The following FAM174B variants were observed in gnomAD, a reference collection of about 807,000 sequenced individuals.
FAM174B encodes the protein family with sequence similarity 174 member B, also known as membrane protein FAM174B.
In FAM174B, 12 loss-of-function variants were observed where a neutral mutation model predicts 10.9. The ratio of observed to expected loss-of-function variants is 1.10; its 90% CI spans 0.71 to 1.79. The LOEUF (loss-of-function observed/expected upper bound fraction) is 1.79. FAM174B is among the 40% of genes most tolerant of loss of function. The pLI, the probability that FAM174B is intolerant of heterozygous loss-of-function variation, is 0.00. For missense variants in FAM174B, 266 were observed against 233.3 expected, an observed-to-expected ratio of 1.14 and a Z score of -0.91; for synonymous variants, 132 against 115.8, an observed-to-expected ratio of 1.14 and a Z score of -0.90.
chr15:92,629,039 T>C (rs547207424), intron 2 of FAM174B, among the ~76,000 whole-genome samples: 2 of 152,168 alleles, frequency 1.3e-5, no homozygotes, highest in Non-Finnish European at 2.9e-5. Flanking sequence ...ATCCCAAACA[T>C]TGTCTTGTTG....
Position 92,630,361 on chromosome 15 carries a change from C to G in FAM174B, c.345-16G>C, listed in dbSNP as rs1309492526. 3.1e-6 allele frequency: 5 copies of G among 1,601,690 alleles called. No individual in the cohort carries two copies. The highest frequency in any genetic ancestry group is 4.3e-6 in the Non-Finnish European group (5 of 1,173,450). ...CTTTCCCGACCTGCAGGAGAAGAAG[C>G]ACATTCATGAGAACACAGCTGGGAG... is the stretch of plus-strand genomic sequence containing the variant. On this transcript the variant is annotated splice_polypyrimidine_tract_variant and intron_variant, in intron 1 of 2. Transcript: ENST00000327355.
At chr15:92,628,040 T>C (rs2050765276) in intron 2 of FAM174B, among the ~76,000 whole-genome samples, 1 of 152,212 alleles carries the variant, frequency 6.6e-6, no homozygotes, top group Admixed American at 6.5e-5. Context: ...GTGTATCCTA[T>C]GCACATTCTC....
intron 2 of FAM174B, among the ~76,000 whole-genome samples, chr15:92,622,315 G>A (rs147930679): frequency 5.1e-4 from 78 of 152,332 alleles, no homozygotes; most frequent in African/African-American, 1.8e-3. Flanking sequence ...CCTCCACGGG[G>A]AGAAGTCCAC....
intron 1 of FAM174B, among the ~76,000 whole-genome samples, chr15:92,631,415 TATATAATATATAATATAATATA>T (rs2050814719): frequency 2.5e-5 from 1 of 40,774 alleles, no homozygotes; most frequent in Non-Finnish European, 4.1e-5. Context: ...TTATATATAA[TATATAATATATAATATAATATA>T]TTATATATAT....
chr15:92,640,551 CAAAAAAAAAAAA>C (rs60865026), intron 1 of FAM174B, among the ~76,000 whole-genome samples: 17 of 67,670 alleles, frequency 2.5e-4, no homozygotes, highest in African/African-American at 3.4e-4. Context: ...GACTCCATCT[CAAAAAAAAAAAA>C]AAAAAAAAAA....
intron 1 of FAM174B, among the ~76,000 whole-genome samples, chr15:92,646,011 C>T (rs905129419): frequency 1.3e-5 from 2 of 151,406 alleles, no homozygotes; most frequent in Admixed American, 1.3e-4. Flanking sequence ...GCCTGGTCAC[C>T]CCCTTCACAA....
At position 92,640,551 on chromosome 15, in the gene FAM174B, C is replaced by CA. The variant is rs60865026; in HGVS notation, c.345-10207dup. Among the ~76,000 whole-genome samples, 25 of 67,722 alleles carry CA rather than the reference C, an allele frequency of 3.7e-4. 1 individual carries two copies. The highest frequency in any genetic ancestry group is 1.2e-3 in the African/African-American group (21 of 17,662). 44.4% of individuals were successfully genotyped at this position (67,722 alleles called of 152,430 possible). On this transcript the variant is annotated intron_variant, in intron 1 of 2. Transcript: ENST00000327355. The stretch of plus-strand genomic sequence containing the variant: ...TGGATGACAAAGTGAGACTCCATCT[C>CA]AAAAAAAAAAAAAAAAAAAAAAAAA...
At chr15:92,630,453 G>A in intron 1 of FAM174B, 108 bp from the exon 2 acceptor site, 1 of 1,056,178 alleles carries the variant, frequency 9.5e-7, no homozygotes, top group East Asian at 2.6e-5. Context: ...TGTTTAGTCA[G>A]GTTTCCTTCC....
chr15:92,645,633 G>A (rs2050921323), intron 1 of FAM174B: 1 of 152,290 alleles, frequency 6.6e-6, no homozygotes, highest in African/African-American at 2.4e-5. Context: ...TATATAAGGG[G>A]CCAGGGAAGG....
chr15:92,639,147 T>G (rs540685431), intron 1 of FAM174B: 4 of 152,312 alleles, frequency 2.6e-5, no homozygotes, highest in African/African-American at 9.6e-5. Context: ...AACAAGAGGG[T>G]AGGAACTCAC....
intron 1 of FAM174B, among the ~76,000 whole-genome samples, chr15:92,642,974 G>A (rs1367758447): frequency 6.6e-6 from 1 of 152,096 alleles, no homozygotes. Context: ...ACCAGAAAAG[G>A]GAAATCTATA....
rs1193099288 is a variant in FAM174B at position 92,619,122 on chromosome 15, G to A, written c.*334C>T. 2 of 675,384 alleles carry A rather than the reference G, an allele frequency of 3.0e-6. No individual in the cohort carries two copies. Among genetic ancestry groups the A allele is most frequent in the Non-Finnish European group, 5.4e-6 (2 of 371,376 alleles). 41.8% of individuals were successfully genotyped at this position (675,384 alleles called of 1,614,324 possible). On this transcript the variant is annotated 3_prime_UTR_variant, in exon 3 of 3. Transcript: ENST00000327355. ...ATCTCTTTTACTATTGTCAACAATT[G>A]TCTTAAAAAAACTTCTTTAAAATCA...
chr15:92,631,304 TATATTATATATA>T, intron 1 of FAM174B, among the ~76,000 whole-genome samples: 2 of 4,100 alleles, frequency 4.9e-4, no homozygotes, highest in Non-Finnish European at 4.6e-4. Context: ...TTATATATAA[TATATTATATATA>T]ATATTATATA....
At chr15:92,651,689 A>G (rs2050967431) in intron 1 of FAM174B, among the ~76,000 whole-genome samples, 1 of 152,210 alleles carries the variant, frequency 6.6e-6, no homozygotes, top group South Asian at 2.1e-4. Context: ...GGACACTTGG[A>G]TTATTTAAAC....
intron 1 of FAM174B, among the ~76,000 whole-genome samples, chr15:92,638,473 G>A (rs1369755694): frequency 6.6e-6 from 1 of 152,158 alleles, no homozygotes; most frequent in African/African-American, 2.4e-5. Flanking sequence ...CAGAGGGGGA[G>A]GCCTTCCTTC....
rs2050691302 is a variant in FAM174B at position 92,618,065 on chromosome 15, G to T, written c.*1391C>A. 4.4e-6 allele frequency: 1 copy of T among 227,834 alleles called. No individual in the cohort carries two copies. 14.1% of individuals were successfully genotyped at this position (227,834 alleles called of 1,614,324 possible). A position where few individuals can be genotyped will look rare whatever the true frequency, so the allele number is the denominator to read the frequency against. Reference sequence around the variant, plus strand: ...AGAACCGAAGATGGAGGTGAGTCAGGAAAGGCTGGAGTTTTCATCCAAAAA... The same window carrying T: ...AGAACCGAAGATGGAGGTGAGTCAGTAAAGGCTGGAGTTTTCATCCAAAAA... On this transcript the variant is annotated 3_prime_UTR_variant, in exon 3 of 3. Coordinates refer to ENST00000327355, the MANE Select transcript of FAM174B (RefSeq NM_207446.3).
At chr15:92,645,627 T>C (rs1324149224) in intron 1 of FAM174B, 2 of 152,234 alleles carry the variant, frequency 1.3e-5, no homozygotes, top group African/African-American at 4.8e-5. Flanking sequence ...TGTTTTTATA[T>C]AAGGGGCCAG....
At chr15:92,649,966 C>T (rs770976767) in intron 1 of FAM174B, among the ~76,000 whole-genome samples, 26 of 152,086 alleles carry the variant, frequency 1.7e-4, no homozygotes, top group Non-Finnish European at 2.9e-4. Flanking sequence ...GAGAAACGAC[C>T]GACTGATGCT....
intron 1 of FAM174B, among the ~76,000 whole-genome samples, chr15:92,640,720 C>T (rs932947820): frequency 2.6e-5 from 4 of 152,006 alleles, no homozygotes; most frequent in Non-Finnish European, 5.9e-5. Context: ...TTTTGGCTCA[C>T]TGCAACCTCT....
Sources: gnomAD v4.1 joint callset for allele counts (sites outside exome capture counted in the v4.1 genomes callset) on GRCh38, gnomAD v4.1.1 for gene constraint, MANE v1.5 for transcripts, NCBI Gene and HGNC (gene_info 2026-07-23, HGNC 2026-07-21) for gene names.